PRDM16: variants seen among roughly 807,000 people sequenced by gnomAD.
PRDM16 encodes PR/SET domain 16.
Under a neutral mutation model 110.6 loss-of-function variants are expected in PRDM16, and 23 were observed. The ratio of observed to expected loss-of-function variants is 0.21; its 90% CI spans 0.15 to 0.29. The LOEUF is 0.29. PRDM16 is among the 10% of genes least tolerant of loss of function. PRDM16 has a pLI of 1.00. For missense variants in PRDM16, 1,615 were observed against 1,794.3 expected (o/e 0.90, Z 1.81); for synonymous variants, 799 against 781.8 (o/e 1.02, Z -0.37).
chr1:3,257,315 G>T lies in PRDM16; in HGVS notation c.438+13178G>T, dbSNP rs368088927. 2.4e-4 allele frequency among the ~76,000 whole-genome samples: 36 copies of T among 152,296 alleles called. 2 individuals carry two copies. The highest frequency in any genetic ancestry group is 1.5e-3 in the East Asian group (8 of 5,174). Reference sequence around the variant, plus strand: ...TAGGATGAGACTCTCTGCCCACCTGGGGTTGGGTGGAGCATCAGGCCGGTG... The same window carrying T: ...TAGGATGAGACTCTCTGCCCACCTGTGGTTGGGTGGAGCATCAGGCCGGTG... On this transcript the variant is annotated intron_variant, in intron 3 of 16. Transcript: ENST00000270722.
At chr1:3,239,481 G>T (rs1396977727) in intron 2 of PRDM16, among the ~76,000 whole-genome samples, 1 of 152,152 alleles carries the variant, frequency 6.6e-6, no homozygotes. Context: ...AGCTCCATCA[G>T]CCTTGCCATT....
intron 1 of PRDM16, among the ~76,000 whole-genome samples, chr1:3,169,765 G>T (rs943795494): frequency 6.6e-6 from 1 of 152,250 alleles, no homozygotes; most frequent in Non-Finnish European, 1.5e-5. Flanking sequence ...GGTGGGGAAG[G>T]GCTGGGCTCC....
At chr1:3,072,693 C>T (rs1169398170) in intron 1 of PRDM16, among the ~76,000 whole-genome samples, 3 of 152,238 alleles carry the variant, frequency 2.0e-5, no homozygotes, top group South Asian at 2.1e-4. Context: ...CAGTCCCCTC[C>T]CCAGAGCCAG....
chr1:3,239,528 C>T (rs917553396), intron 2 of PRDM16, among the ~76,000 whole-genome samples: 1 of 152,002 alleles, frequency 6.6e-6, no homozygotes, highest in Admixed American at 6.5e-5. Context: ...ACAACCCTGA[C>T]CCCCCGACTC....
intron 1 of PRDM16, among the ~76,000 whole-genome samples, chr1:3,184,433 C>T (rs1339791982): frequency 1.3e-5 from 2 of 152,178 alleles, no homozygotes; most frequent in African/African-American, 4.8e-5. Context: ...GGACCGGGGT[C>T]CAGTCACTTT....
intron 1 of PRDM16, among the ~76,000 whole-genome samples, chr1:3,136,292 C>T (rs1008888636): frequency 9.9e-5 from 15 of 152,222 alleles, no homozygotes; most frequent in African/African-American, 2.9e-4. Flanking sequence ...TCCGGGGTCT[C>T]GGCGAGGCAC....
chr1:3,098,355 T>C (rs1642454583), intron 1 of PRDM16, among the ~76,000 whole-genome samples: 1 of 152,194 alleles, frequency 6.6e-6, no homozygotes, highest in Non-Finnish European at 1.5e-5. Flanking sequence ...TCACCCTCAC[T>C]GCCCACTGGG....
intron 3 of PRDM16, among the ~76,000 whole-genome samples, chr1:3,322,996 C>T (rs1480173183): frequency 3.3e-5 from 5 of 152,174 alleles, no homozygotes; most frequent in African/African-American, 1.2e-4. Flanking sequence ...CGATGTGGGT[C>T]CCTTTGGTCC....
chr1:3,146,047 T>C (rs1284540763), intron 1 of PRDM16, among the ~76,000 whole-genome samples: 1 of 152,190 alleles, frequency 6.6e-6, no homozygotes, highest in Non-Finnish European at 1.5e-5. Flanking sequence ...GGACCCGTTT[T>C]CTGCGGGACA....
chr1:3,089,073 G>C (rs529118759), intron 1 of PRDM16, among the ~76,000 whole-genome samples: 1 of 152,202 alleles, frequency 6.6e-6, no homozygotes, highest in African/African-American at 2.4e-5. Flanking sequence ...GTGAGCCACC[G>C]CGCCAGTCCG....
At chr1:3,228,532 C>T (rs995477271) in intron 2 of PRDM16, among the ~76,000 whole-genome samples, 6 of 152,226 alleles carry the variant, frequency 3.9e-5, no homozygotes, top group Non-Finnish European at 8.8e-5. Flanking sequence ...AGTCCTGTGC[C>T]AGGCTCAGAG....
At chr1:3,098,084 G>C (rs766571438) in intron 1 of PRDM16, among the ~76,000 whole-genome samples, 13 of 152,150 alleles carry the variant, frequency 8.5e-5, no homozygotes, top group Non-Finnish European at 1.8e-4. Flanking sequence ...CTCCTTCCCA[G>C]TCTGTAAAGG....
intron 1 of PRDM16, among the ~76,000 whole-genome samples, chr1:3,116,047 C>T (rs554183341): frequency 6.6e-6 from 1 of 152,204 alleles, no homozygotes; most frequent in Non-Finnish European, 1.5e-5. Context: ...AGGTGCTAAA[C>T]GCAGGCAGGT....
chr1:3,394,664 C>T lies in PRDM16; in HGVS notation c.574-1827C>T, dbSNP rs548108286. Among the ~76,000 whole-genome samples, 7 of 152,292 alleles carry T rather than the reference C, an allele frequency of 4.6e-5. No individual in the cohort carries two copies. The South Asian group carries it at 6.2e-4, about 14-fold the overall frequency. On this transcript the variant is annotated intron_variant, in intron 4 of 16. Coordinates refer to ENST00000270722, the MANE Select transcript of PRDM16 (RefSeq NM_022114.4). ...CCTGCCCCACGGGCATCAGCCAGGC[C>T]GGGCAGTCACTCAGCAGCCCCTTCC...
chr1:3,409,959 TGGGGG>T (rs1366412745), intron 8 of PRDM16, among the ~76,000 whole-genome samples: 2 of 90,600 alleles, frequency 2.2e-5, no homozygotes, highest in African/African-American at 4.6e-5. Context: ...TGTGTGCGTG[TGGGGG>T]GTGTGGTTGT....
At chr1:3,180,647 G>C (rs180867466) in intron 1 of PRDM16, among the ~76,000 whole-genome samples, 1 of 142,510 alleles carries the variant, frequency 7.0e-6, no homozygotes, top group Non-Finnish European at 1.5e-5. Context: ...AGCGCCATTC[G>C]CTGCCTTGCC....
At chr1:3,251,685 C>T (rs1348246615) in intron 3 of PRDM16, among the ~76,000 whole-genome samples, 6 of 152,134 alleles carry the variant, frequency 3.9e-5, no homozygotes. Context: ...AAGGGGAGGC[C>T]GTGCAGACAG....
intron 4 of PRDM16, among the ~76,000 whole-genome samples, chr1:3,394,990 A>G (rs1169701427): frequency 6.6e-6 from 1 of 152,146 alleles, no homozygotes; most frequent in African/African-American, 2.4e-5. Context: ...CCCATAAGGG[A>G]ACTTCACACA....
intron 1 of PRDM16, among the ~76,000 whole-genome samples, chr1:3,115,547 C>G (rs950512847): frequency 1.3e-5 from 2 of 152,194 alleles, no homozygotes; most frequent in Admixed American, 1.3e-4. Flanking sequence ...TGGACAAAGG[C>G]GAGATCCCCC....
Sources: allele counts gnomAD v4.1 joint callset (sites outside exome capture counted in the v4.1 genomes callset), GRCh38; gene constraint gnomAD v4.1.1; transcripts MANE v1.5; gene names NCBI Gene and HGNC (gene_info 2026-07-23, HGNC 2026-07-21).